Variants in SCAF8 observed in about 807,000 individuals in gnomAD.
SCAF8 encodes SR-related CTD associated factor 8.
A neutral mutation model predicts 140.5 loss-of-function variants in SCAF8; 23 were observed. The ratio of observed to expected loss-of-function variants is 0.16; its 90% CI spans 0.12 to 0.23. The LOEUF is 0.23. Among genes scored for constraint, SCAF8 ranks in the 10% least tolerant of loss-of-function variants. The pLI, the probability that SCAF8 is intolerant of heterozygous loss-of-function variation, is 1.00. For missense variants in SCAF8, 1,397 were observed against 1,555.7 expected, an observed-to-expected ratio of 0.90 and a Z score of 1.72; for synonymous variants, 575 against 528.9, an observed-to-expected ratio of 1.09 and a Z score of -1.20.
At chr6:154,787,116 A>C (rs1417214483) in intron 3 of SCAF8, among the ~76,000 whole-genome samples, 1 of 152,234 alleles carries the variant, frequency 6.6e-6, no homozygotes, top group African/African-American at 2.4e-5. Context: ...GCACTTTGGG[A>C]GATCTAGGCA....
intron 18 of SCAF8, 81 bp downstream of exon 18, chr6:154,827,321 C>T (rs1414029085): frequency 1.5e-5 from 13 of 890,574 alleles, no homozygotes; most frequent in African/African-American, 3.5e-5. Context: ...TGTGAATTAC[C>T]GTTAATATTT....
rs369313373 is a variant in SCAF8, at chr6:154,805,463, T to A, written c.958T>A (p.Leu320Met). Residue 320 changes from leucine (L) to methionine (M), a missense_variant, in exon 9 of 20, where the codon TTG becomes ATG. By Grantham distance (15) the Leu-to-Met change is conservative (BLOSUM62 2). This residue lies in a region of SCAF8 where 339 missense variants were observed against 407.5 expected (regional missense o/e 0.83). Transcript: ENST00000367178. ...QNLEHLRQQL[L>M]EQQQPQKATP... Reference sequence around the variant, plus strand: ...CCTAGAACATCTCAGACAGCAGCTCTTGGAGCAGCAACAGCCTCAAAAGGT... The same window carrying A: ...CCTAGAACATCTCAGACAGCAGCTCATGGAGCAGCAACAGCCTCAAAAGGT... 1 of 1,606,470 alleles carries A rather than the reference T, an allele frequency of 6.2e-7. No homozygotes were observed. The highest frequency in any genetic ancestry group is 1.3e-5 in the African/African-American group (1 of 74,708).
chr6:154,768,805 G>A (rs1348778403), intron 1 of SCAF8, among the ~76,000 whole-genome samples: 1 of 152,164 alleles, frequency 6.6e-6, no homozygotes, highest in Middle Eastern at 3.2e-3. Context: ...GCTCACGCCT[G>A]TAATCCCAGC....
At chr6:154,736,382 T>A (rs1778421777) in intron 1 of SCAF8, among the ~76,000 whole-genome samples, 3 of 150,298 alleles carry the variant, frequency 2.0e-5, no homozygotes, top group African/African-American at 7.4e-5. Flanking sequence ...GCAATTCTCC[T>A]GCTTCAGCCT....
intron 14 of SCAF8, among the ~76,000 whole-genome samples, chr6:154,819,090 T>TA (rs397962546): frequency 3.3e-5 from 5 of 152,236 alleles, no homozygotes; most frequent in East Asian, 3.9e-4. Flanking sequence ...AGAGTTTTTT[T>TA]AATATCTTTC....
At chr6:154,826,370 A>G (rs778224491) in intron 17 of SCAF8, among the ~76,000 whole-genome samples, 1 of 152,106 alleles carries the variant, frequency 6.6e-6, no homozygotes, top group African/African-American at 2.4e-5. Context: ...TAAAATGTAC[A>G]AAAGGTATAT....
intron 3 of SCAF8, among the ~76,000 whole-genome samples, chr6:154,787,600 CTTAT>C (rs1401071152): frequency 1.3e-5 from 2 of 151,936 alleles, no homozygotes; most frequent in African/African-American, 2.4e-5. Context: ...ATAATGGTAC[CTTAT>C]TTATCACTTT....
intron 11 of SCAF8, among the ~76,000 whole-genome samples, chr6:154,809,065 G>T (rs897789043): frequency 2.6e-5 from 4 of 152,114 alleles, no homozygotes; most frequent in Admixed American, 6.5e-5. Context: ...TTAATATTAT[G>T]ATGACACCCA....
At chr6:154,802,620 A>G (rs1281638336) in intron 7 of SCAF8, among the ~76,000 whole-genome samples, 3 of 138,426 alleles carry the variant, frequency 2.2e-5, no homozygotes, top group Non-Finnish European at 3.1e-5. Context: ...CTTGACTCAA[A>G]AAAAAAAAAT....
chr6:154,808,172 T>A lies in SCAF8; in HGVS notation c.1084T>A (p.Leu362Met). The stretch of plus-strand genomic sequence containing the variant: ...GCATTTTCTTGAACCTGAAGTCAAT[T>A]TGGATGATTCCATAGATATTCAGCA... Reference protein sequence around the residue: ...QQHFLEPEVNLDDSIDIQQQD... With the variant: ...QQHFLEPEVNMDDSIDIQQQD... Residue 362 changes from leucine (L) to methionine (M), a missense_variant, in exon 10 of 20, where the codon TTG becomes ATG. Leu to Met is a conservative substitution (Grantham distance 15). Transcript: ENST00000367178. 6.2e-7 allele frequency: 1 copy of A among 1,614,010 alleles called. No individual in the cohort carries two copies. Among genetic ancestry groups the A allele is most frequent in the Middle Eastern group, 1.6e-4 (1 of 6,062 alleles).
intron 18 of SCAF8, among the ~76,000 whole-genome samples, chr6:154,830,114 T>C (rs1199636523): frequency 6.6e-6 from 1 of 152,136 alleles, no homozygotes; most frequent in African/African-American, 2.4e-5. Context: ...AAAAGAGAAA[T>C]AGTTGTGTGC....
At chr6:154,752,616 CTA>C (rs2114809930) in intron 1 of SCAF8, among the ~76,000 whole-genome samples, 1 of 152,094 alleles carries the variant, frequency 6.6e-6, no homozygotes, top group African/African-American at 2.4e-5. Context: ...GTTATAGAGA[CTA>C]TGAGTTGTAA....
chr6:154,788,769 T>G (rs1777326079), intron 4 of SCAF8, among the ~76,000 whole-genome samples: 2 of 152,238 alleles, frequency 1.3e-5, no homozygotes, highest in Non-Finnish European at 2.9e-5. Context: ...GTAAATATTC[T>G]ATAAATAGCA....
At chr6:154,740,581 C>A (rs923518181) in intron 1 of SCAF8, among the ~76,000 whole-genome samples, 1 of 151,598 alleles carries the variant, frequency 6.6e-6, no homozygotes, top group Non-Finnish European at 1.5e-5. Flanking sequence ...TCTCAATATA[C>A]AGTATATATG....
intron 6 of SCAF8, among the ~76,000 whole-genome samples, chr6:154,797,203 T>G: frequency 6.9e-6 from 1 of 144,660 alleles, no homozygotes; most frequent in Admixed American, 6.7e-5. Flanking sequence ...ACATCTGACT[T>G]TGTGTTGTGT....
At chr6:154,737,564 A>G (rs1778456918) in intron 1 of SCAF8, among the ~76,000 whole-genome samples, 1 of 152,098 alleles carries the variant, frequency 6.6e-6, no homozygotes, top group African/African-American at 2.4e-5. Context: ...ATGTGCCTGT[A>G]GTCCCAACAT....
intron 12 of SCAF8, among the ~76,000 whole-genome samples, chr6:154,813,001 C>T (rs1778140556): frequency 6.6e-6 from 1 of 150,710 alleles, no homozygotes; most frequent in South Asian, 2.1e-4. Flanking sequence ...GAGTTTAAGA[C>T]CAGCCTGAGC....
At chr6:154,824,712 G>T (rs1318773356) in intron 17 of SCAF8, among the ~76,000 whole-genome samples, 1 of 152,166 alleles carries the variant, frequency 6.6e-6, no homozygotes, top group African/African-American at 2.4e-5. Context: ...GGAGGCCAAG[G>T]TGGGCAGATC....
At chr6:154,795,265 T>G (rs1006174259) in intron 6 of SCAF8, 126 bp downstream of exon 6, 5 of 700,378 alleles carry the variant, frequency 7.1e-6, no homozygotes, top group Non-Finnish European at 1.1e-5. Context: ...GACCATTATG[T>G]ATACTTTGTT....
Sources: allele counts gnomAD v4.1 joint callset (sites outside exome capture counted in the v4.1 genomes callset), GRCh38; gene constraint gnomAD v4.1.1; regional missense constraint gnomAD v4.1.1; transcripts MANE v1.5; gene names NCBI Gene and HGNC (gene_info 2026-07-23, HGNC 2026-07-21).